RNF24: variants seen among roughly 807,000 people sequenced by gnomAD.
RNF24 encodes ring finger protein 24.
Under a neutral mutation model 20.0 loss-of-function variants are expected in RNF24, and 14 were observed. The observed-to-expected ratio is 0.70, with a 90% CI of 0.46 to 1.10. The LOEUF (loss-of-function observed/expected upper bound fraction) is 1.10, where lower values mean the gene tolerates loss of function less well. Among genes scored for constraint, RNF24 ranks in the 50% least tolerant of loss-of-function variants. The pLI, the probability that RNF24 is intolerant of heterozygous loss-of-function variation, is 0.00. For missense variants in RNF24, 124 were observed against 177.6 expected (o/e 0.70, Z 1.71); for synonymous variants, 45 against 61.1 (o/e 0.74, Z 1.23).
intron 1 of RNF24, among the ~76,000 whole-genome samples, chr20:3,995,130 C>T (rs1189645611): frequency 6.6e-6 from 1 of 152,162 alleles, no homozygotes; most frequent in Admixed American, 6.5e-5. Context: ...TAGCCACGCC[C>T]CACCACGGGG....
At chr20:4,013,573 G>A (rs1391386981) in intron 1 of RNF24, among the ~76,000 whole-genome samples, 5 of 151,952 alleles carry the variant, frequency 3.3e-5, no homozygotes, top group Admixed American at 2.6e-4. Context: ...CTCCGCCTCC[G>A]GGAGTTCAAG....
In RNF24 at chr20:3,933,944, G is replaced by T; in HGVS notation, c.*119C>A. The T allele has an allele frequency of 9.4e-7, 1 of 1,062,860 alleles. No homozygotes were observed. Among genetic ancestry groups the T allele is most frequent in the Non-Finnish European group, 1.3e-6 (1 of 792,856 alleles). 65.8% of individuals were successfully genotyped at this position (1,062,860 alleles called of 1,614,324 possible). A position where few individuals can be genotyped will look rare whatever the true frequency, so the allele number is the denominator to read the frequency against. ...TTTGGCTGGCCCAAGAGTTCTTCAT[G>T]AGGCAAAAGAAGTGGCAGCTGGTGT... On this transcript the variant is annotated 3_prime_UTR_variant, in exon 6 of 6. Transcript: ENST00000358395.
intron 1 of RNF24, among the ~76,000 whole-genome samples, chr20:3,982,103 G>GTCTCTCTCTCTCTCGCTCTCTCTCTCTC (rs1979447409): frequency 7.3e-6 from 1 of 137,026 alleles, no homozygotes; most frequent in Non-Finnish European, 1.6e-5. Flanking sequence ...GTGAGACCTC[G>GTCTCTCTCTCTCTCGCTCTCTCTCTCTC]TCTCTCTCTC....
chr20:3,940,019 T>A (rs1023850197), intron 4 of RNF24, among the ~76,000 whole-genome samples: 1 of 152,076 alleles, frequency 6.6e-6, no homozygotes, highest in Non-Finnish European at 1.5e-5. Context: ...AGTACAATGG[T>A]GTGATCTCAG....
intron 1 of RNF24, among the ~76,000 whole-genome samples, chr20:4,013,919 A>T (rs1325416945): frequency 6.6e-6 from 1 of 152,276 alleles, no homozygotes; most frequent in Non-Finnish European, 1.5e-5. Context: ...TGCAAAATTC[A>T]TATCATTTGT....
At chr20:4,007,563 CAAAG>C (rs1195308698) in intron 1 of RNF24, among the ~76,000 whole-genome samples, 1 of 151,776 alleles carries the variant, frequency 6.6e-6, no homozygotes, top group Non-Finnish European at 1.5e-5. Flanking sequence ...ACCAAATAAA[CAAAG>C]AACAGGACTT....
chr20:3,965,577 C>T (rs1255156264), intron 1 of RNF24, among the ~76,000 whole-genome samples: 2 of 152,188 alleles, frequency 1.3e-5, no homozygotes, highest in Admixed American at 6.5e-5. Context: ...TATTTAATTT[C>T]CTTTTTCCTA....
At chr20:3,987,181 G>A (rs1458941436) in intron 1 of RNF24, among the ~76,000 whole-genome samples, 2 of 152,062 alleles carry the variant, frequency 1.3e-5, no homozygotes, top group Non-Finnish European at 2.9e-5. Flanking sequence ...TGGGTTAGGG[G>A]GAAACAACAC....
At chr20:3,952,951 C>G (rs932360266) in intron 2 of RNF24, among the ~76,000 whole-genome samples, 1 of 152,120 alleles carries the variant, frequency 6.6e-6, no homozygotes, top group African/African-American at 2.4e-5. Context: ...AAGGATCGGT[C>G]TATAATTTCC....
chr20:3,975,032 CTGAT>C (rs1433291060), intron 1 of RNF24, among the ~76,000 whole-genome samples: 1 of 152,122 alleles, frequency 6.6e-6, no homozygotes, highest in Non-Finnish European at 1.5e-5. Context: ...AATCAAGACA[CTGAT>C]TGGTTTTAGC....
intron 1 of RNF24, among the ~76,000 whole-genome samples, chr20:3,972,693 G>A (rs1347135081): frequency 6.6e-6 from 1 of 152,126 alleles, no homozygotes; most frequent in Admixed American, 6.5e-5. Flanking sequence ...CTGAGGTCAG[G>A]AGTTCAAGAC....
At chr20:4,004,210 T>C (rs1486816073) in intron 1 of RNF24, among the ~76,000 whole-genome samples, 1 of 152,174 alleles carries the variant, frequency 6.6e-6, no homozygotes, top group African/African-American at 2.4e-5. Context: ...TCCTTCATAA[T>C]GTACCTCAAG....
At chr20:3,963,511 C>T (rs1442729465) in intron 2 of RNF24, among the ~76,000 whole-genome samples, 1 of 152,112 alleles carries the variant, frequency 6.6e-6, no homozygotes, top group Admixed American at 6.6e-5. Context: ...TTTTCTGATA[C>T]CTAATGACCT....
rs754263258 is a variant in RNF24 at position 4,008,409 on chromosome 20, AAT to A, written c.-8+7026_-8+7027del. Among the ~76,000 whole-genome samples the A allele has an allele frequency of 1.8e-3, 76 of 43,310 alleles. 1 individual carries two copies. Among genetic ancestry groups the A allele is most frequent in the East Asian group, 3.6e-3 (9 of 2,478 alleles). 28.4% of individuals were successfully genotyped at this position (43,310 alleles called of 152,430 possible). On this transcript the variant is annotated intron_variant, in intron 1 of 5. Transcript: ENST00000358395. ...TATATATTATATATGTAATATGTAT[AAT>A]ATATATATTATATATAATATATAAT... is the stretch of plus-strand genomic sequence containing the variant.
At chr20:3,998,390 T>C (rs1312120019) in intron 1 of RNF24, among the ~76,000 whole-genome samples, 1 of 150,038 alleles carries the variant, frequency 6.7e-6, no homozygotes, top group Non-Finnish European at 1.5e-5. Context: ...GCCTGACCAG[T>C]ATGGTGAAAC....
chr20:4,011,744 T>TG (rs1247388556), intron 1 of RNF24, among the ~76,000 whole-genome samples: 1 of 152,204 alleles, frequency 6.6e-6, no homozygotes, highest in Non-Finnish European at 1.5e-5. Context: ...GCACCCTACG[T>TG]GGCTCAACTG....
chr20:3,963,110 G>A (rs1041456417), intron 2 of RNF24, among the ~76,000 whole-genome samples: 1 of 152,210 alleles, frequency 6.6e-6, no homozygotes, highest in Non-Finnish European at 1.5e-5. Context: ...TTTGTCTCAA[G>A]TATTTAATTA....
intron 1 of RNF24, among the ~76,000 whole-genome samples, chr20:4,011,742 C>A (rs377602886): frequency 6.6e-6 from 1 of 152,188 alleles, no homozygotes; most frequent in Non-Finnish European, 1.5e-5. Context: ...TAGCACCCTA[C>A]GTGGCTCAAC....
At chr20:3,965,796 T>C (rs1292841538) in intron 1 of RNF24, among the ~76,000 whole-genome samples, 11 of 151,984 alleles carry the variant, frequency 7.2e-5, no homozygotes, top group Non-Finnish European at 1.0e-4. Context: ...GAAATATCCC[T>C]CCCCAGACAA....
Sources: allele counts gnomAD v4.1 joint callset (sites outside exome capture counted in the v4.1 genomes callset), GRCh38; gene constraint gnomAD v4.1.1; transcripts MANE v1.5; gene names NCBI Gene and HGNC (gene_info 2026-07-23, HGNC 2026-07-21).